Variants in RIC8B observed in about 807,000 individuals in gnomAD.
RIC8B encodes the protein chaperone Ric-8B.
Under a neutral mutation model 57.5 loss-of-function variants are expected in RIC8B, and 16 were observed. The observed-to-expected ratio is 0.28, with a 90% CI of 0.19 to 0.42. RIC8B has a LOEUF of 0.42. Ranked by LOEUF, RIC8B falls within the 10% of genes least tolerant of loss-of-function variation. RIC8B has a pLI of 1.00. For missense variants in RIC8B, 481 were observed against 677.0 expected (o/e 0.71, Z 3.21); for synonymous variants, 216 against 250.8 (o/e 0.86, Z 1.31).
chr12:106,869,904 A>G (rs1480293749), intron 8 of RIC8B, among the ~76,000 whole-genome samples: 1 of 152,210 alleles, frequency 6.6e-6, no homozygotes, highest in African/African-American at 2.4e-5. Context: ...GTGCGACTGC[A>G]CTCCAACGTG....
chr12:106,783,271 T>A (rs1277096615), intron 1 of RIC8B, among the ~76,000 whole-genome samples: 1 of 152,226 alleles, frequency 6.6e-6, no homozygotes, highest in Non-Finnish European at 1.5e-5. Context: ...AGCTTTTTTT[T>A]AACTGTCACA....
At chr12:106,800,564 A>G (rs529935532) in intron 2 of RIC8B, among the ~76,000 whole-genome samples, 12 of 152,288 alleles carry the variant, frequency 7.9e-5, no homozygotes, top group Admixed American at 7.2e-4. Flanking sequence ...CCCCATCTCC[A>G]TATATTAATA....
At chr12:106,805,838 T>C (rs564639619) in intron 2 of RIC8B, among the ~76,000 whole-genome samples, 1 of 152,324 alleles carries the variant, frequency 6.6e-6, no homozygotes, top group East Asian at 1.9e-4. Context: ...TTCCCTCTTA[T>C]TGCCAGCCCA....
intron 4 of RIC8B, among the ~76,000 whole-genome samples, chr12:106,840,667 G>A (rs888523262): frequency 3.3e-5 from 5 of 152,138 alleles, no homozygotes; most frequent in Non-Finnish European, 5.9e-5. Flanking sequence ...AAGAAAATGG[G>A]AACTTTTCTT....
intron 4 of RIC8B, among the ~76,000 whole-genome samples, chr12:106,837,320 C>T (rs564821959): frequency 6.6e-6 from 1 of 152,142 alleles, no homozygotes; most frequent in East Asian, 1.9e-4. Context: ...CAAGATGGCG[C>T]CATTGTACTC....
intron 9 of RIC8B, among the ~76,000 whole-genome samples, chr12:106,876,564 T>C (rs1360547681): frequency 6.6e-6 from 1 of 152,094 alleles, no homozygotes; most frequent in Non-Finnish European, 1.5e-5. Flanking sequence ...AGGATTAACT[T>C]GAGAAGCTTG....
At chr12:106,844,051 A>G (rs1216686749) in intron 6 of RIC8B, 104 bp downstream of exon 6, 1 of 826,532 alleles carries the variant, frequency 1.2e-6, no homozygotes, top group Non-Finnish European at 2.0e-6. Context: ...TCAGATAATC[A>G]GAAACTCAGT....
chr12:106,783,849 T>A (rs1224505713), intron 1 of RIC8B, 148 bp from the exon 2 acceptor site: 1 of 652,500 alleles, frequency 1.5e-6, no homozygotes, highest in Non-Finnish European at 2.7e-6. Flanking sequence ...TTTGTTTACA[T>A]GCCTGTCTCC....
At chr12:106,851,709 G>A (rs1305645950) in intron 7 of RIC8B, 115 bp downstream of exon 7, 3 of 895,308 alleles carry the variant, frequency 3.4e-6, no homozygotes, top group East Asian at 5.4e-5. Flanking sequence ...CTTACTGTCT[G>A]TTCTATTAGA....
At chr12:106,817,602 G>A (rs922775812) in intron 3 of RIC8B, among the ~76,000 whole-genome samples, 6 of 151,920 alleles carry the variant, frequency 3.9e-5, no homozygotes, top group Non-Finnish European at 7.4e-5. Context: ...GGGAGATCAC[G>A]AGGTCAGGAG....
intron 4 of RIC8B, among the ~76,000 whole-genome samples, chr12:106,841,900 T>A (rs759319066): frequency 1.3e-5 from 2 of 152,174 alleles, no homozygotes; most frequent in Non-Finnish European, 2.9e-5. Flanking sequence ...AAGGTTTGGG[T>A]TCCCCCTACT....
intron 4 of RIC8B, among the ~76,000 whole-genome samples, chr12:106,831,441 G>A (rs1229918037): frequency 6.6e-6 from 1 of 152,160 alleles, no homozygotes; most frequent in Non-Finnish European, 1.5e-5. Flanking sequence ...CTATGTATAT[G>A]ATTCTACCAA....
At chr12:106,785,275 A>G (rs1292600303) in intron 2 of RIC8B, among the ~76,000 whole-genome samples, 1 of 152,064 alleles carries the variant, frequency 6.6e-6, no homozygotes, top group East Asian at 1.9e-4. Context: ...TTTGCAATAT[A>G]TTGTTTTCTA....
Position 106,886,142 on chromosome 12 carries a change from T to C in RIC8B, c.*127T>C. On this transcript the variant is annotated 3_prime_UTR_variant, in exon 10 of 10. Transcript: ENST00000392837. The stretch of plus-strand genomic sequence containing the variant: ...AGAAACACATTAACTGGTTTACTCA[T>C]TGAGAATCCAGCATATTTAAGAGGT... 4.4e-6 allele frequency: 3 copies of C among 674,446 alleles called. No individual in the cohort carries two copies. Among genetic ancestry groups the C allele is most frequent in the Non-Finnish European group, 7.7e-6 (3 of 391,228 alleles). The allele number at this position is 674,446 out of a possible 1,614,324, so 41.8% of individuals were successfully genotyped here. A position where few individuals can be genotyped will look rare whatever the true frequency, so the allele number is the denominator to read the frequency against.
At chr12:106,823,884 C>A (rs1412057128) in intron 3 of RIC8B, among the ~76,000 whole-genome samples, 1 of 152,148 alleles carries the variant, frequency 6.6e-6, no homozygotes, top group Non-Finnish European at 1.5e-5. Context: ...CGGGGTTTCA[C>A]CATGTTGGCC....
At chr12:106,803,214 T>TAAAAAAAAAAAAA (rs758690591) in intron 2 of RIC8B, among the ~76,000 whole-genome samples, 1 of 84,276 alleles carries the variant, frequency 1.2e-5, no homozygotes, top group African/African-American at 5.0e-5. Context: ...ATACCCTGTC[T>TAAAAAAAAAAAAA]CAAAAAAAAA....
chr12:106,776,609 A>G (rs2043504438), intron 1 of RIC8B, among the ~76,000 whole-genome samples: 1 of 152,076 alleles, frequency 6.6e-6, no homozygotes, highest in Admixed American at 6.5e-5. Flanking sequence ...GCTTCCTCCA[A>G]TTTATCTCTT....
At chr12:106,884,260 C>T (rs1270656989) in intron 9 of RIC8B, among the ~76,000 whole-genome samples, 1 of 152,206 alleles carries the variant, frequency 6.6e-6, no homozygotes, top group Non-Finnish European at 1.5e-5. Flanking sequence ...TTTCCGTGCT[C>T]CTCAAAGGCA....
intron 6 of RIC8B, among the ~76,000 whole-genome samples, chr12:106,846,483 T>C (rs954249673): frequency 6.6e-6 from 1 of 152,218 alleles, no homozygotes; most frequent in Admixed American, 6.5e-5. Context: ...CTTTGAGGAA[T>C]TTACAGTCTG....
Sources: allele counts gnomAD v4.1 joint callset (sites outside exome capture counted in the v4.1 genomes callset), GRCh38; gene constraint gnomAD v4.1.1; transcripts MANE v1.5; gene names NCBI Gene and HGNC (gene_info 2026-07-23, HGNC 2026-07-21).